The following CACNB4 variants were observed in gnomAD, a reference collection of about 807,000 sequenced individuals.
CACNB4 encodes calcium voltage-gated channel auxiliary subunit beta 4, also known as voltage-dependent L-type calcium channel subunit beta-4.
Under a neutral mutation model 71.2 loss-of-function variants are expected in CACNB4, and 32 were observed. The observed-to-expected ratio is 0.45, with a 90% confidence interval of 0.34 to 0.60. The LOEUF (loss-of-function observed/expected upper bound fraction) is 0.60. CACNB4 is among the 20% of genes least tolerant of loss of function. The pLI, the probability that CACNB4 is intolerant of heterozygous loss-of-function variation, is 0.01. For synonymous variants in CACNB4, 231 were observed against 236.9 expected (o/e 0.97, Z 0.23); for missense variants, 464 against 647.9 (o/e 0.72, Z 3.08).
At chr2:151,990,416 C>T (rs1314736819) in intron 2 of CACNB4, among the ~76,000 whole-genome samples, 2 of 152,202 alleles carry the variant, frequency 1.3e-5, no homozygotes, top group Non-Finnish European at 2.9e-5. Flanking sequence ...AAGCACAACC[C>T]TCTCCAGTTA....
chr2:152,035,630 C>CT (rs1553818021), intron 2 of CACNB4, among the ~76,000 whole-genome samples: 2 of 93,288 alleles, frequency 2.1e-5, no homozygotes, highest in Admixed American at 1.3e-4. Flanking sequence ...CCTCCCTCTC[C>CT]CTCTCTCTCT....
chr2:152,018,346 G>A (rs1246370525), intron 2 of CACNB4, among the ~76,000 whole-genome samples: 4 of 152,024 alleles, frequency 2.6e-5, no homozygotes, highest in African/African-American at 9.7e-5. Context: ...AGACCTGGGA[G>A]CATCAGGGTT....
chr2:152,068,729 A>G (rs1196267320), intron 2 of CACNB4, among the ~76,000 whole-genome samples: 1 of 152,170 alleles, frequency 6.6e-6, no homozygotes, highest in African/African-American at 2.4e-5. Flanking sequence ...TCAGGGTGGT[A>G]AGATCATTAG....
chr2:152,059,632 A>G (rs1018199800), intron 2 of CACNB4, among the ~76,000 whole-genome samples: 16 of 152,336 alleles, frequency 1.1e-4, no homozygotes, highest in Non-Finnish European at 2.1e-4. Flanking sequence ...GCTCATAGGC[A>G]GAAGGGACTT....
rs1185872808 is a variant in CACNB4 at position 152,098,738 on chromosome 2, A to G, written c.63+211T>C. The G allele has an allele frequency of 2.6e-6, 4 of 1,510,616 alleles. No homozygotes were observed. Among genetic ancestry groups the G allele is most frequent in the Non-Finnish European group, 3.6e-6 (4 of 1,117,746 alleles). 93.6% of individuals were successfully genotyped at this position (1,510,616 alleles called of 1,614,324 possible). On this transcript the variant is annotated intron_variant, in intron 1 of 13. Coordinates refer to ENST00000539935, the MANE Select transcript of CACNB4 (RefSeq NM_000726.5). This position sits in a 1 kb window ranked among gnomAD's most constrained non-coding sequence, Gnocchi z 5.3. The stretch of plus-strand genomic sequence containing the variant: ...CCGGAGCGGGAGCGCAGAGACCCGA[A>G]GGAGGGTGAGGAGGAGGAGGAAGAG...
rs1483851589 is a variant in CACNB4 at position 151,971,397 on chromosome 2, C to T, written c.148-88027G>A. On this transcript the variant is annotated intron_variant, in intron 2 of 13. Coordinates refer to ENST00000539935, the MANE Select transcript of CACNB4 (RefSeq NM_000726.5). Reference sequence around the variant, plus strand: ...GACATATGCGGATGGTTCCCCAACCCCCACCCCCAACCGAAGTGCCGTACT... The same window carrying T: ...GACATATGCGGATGGTTCCCCAACCTCCACCCCCAACCGAAGTGCCGTACT... The T allele has an allele frequency of 6.9e-5, 44 of 639,756 alleles. No individual in the cohort carries two copies. The Admixed American group carries it at 1.0e-3, about 15-fold the overall frequency. The allele number at this position is 639,756 out of a possible 1,614,324, so 39.6% of individuals were successfully genotyped here.
In CACNB4 at chr2:151,838,946, T is replaced by A; in HGVS notation, c.*173A>T. The A allele has an allele frequency of 1.8e-6, 1 of 541,490 alleles. No individual in the cohort carries two copies. The highest frequency in any genetic ancestry group is 3.3e-6 in the Non-Finnish European group (1 of 304,814). 33.5% of individuals were successfully genotyped at this position (541,490 alleles called of 1,614,324 possible). A position where few individuals can be genotyped will look rare whatever the true frequency, so the allele number is the denominator to read the frequency against. The stretch of plus-strand genomic sequence containing the variant: ...TATGATCGGGCATCTAATATCCATC[T>A]AGACTCAAGGGCATAATGTAATTTT... On this transcript the variant is annotated 3_prime_UTR_variant, in exon 14 of 14. Coordinates refer to ENST00000539935, the MANE Select transcript of CACNB4 (RefSeq NM_000726.5).
At chr2:152,034,912 A>G (rs1320225432) in intron 2 of CACNB4, among the ~76,000 whole-genome samples, 1 of 152,220 alleles carries the variant, frequency 6.6e-6, no homozygotes, top group Non-Finnish European at 1.5e-5. Flanking sequence ...GAGGCAGAAC[A>G]GTTGACCAAA....
chr2:151,896,548 C>T (rs776086622), intron 2 of CACNB4, among the ~76,000 whole-genome samples: 4 of 152,148 alleles, frequency 2.6e-5, no homozygotes, highest in Admixed American at 6.5e-5. Context: ...GGTAACCACA[C>T]GATACCCACC....
chr2:151,848,204 T>TAC (rs2099838109), intron 12 of CACNB4, among the ~76,000 whole-genome samples: 3 of 152,212 alleles, frequency 2.0e-5, no homozygotes, highest in Admixed American at 6.5e-5. Flanking sequence ...GGGAATGAAC[T>TAC]ACCCCTAACT....
At chr2:151,851,006 A>T (rs1206639204) in intron 12 of CACNB4, 1 of 152,152 alleles carries the variant, frequency 6.6e-6, no homozygotes, top group Non-Finnish European at 1.5e-5. Context: ...CCTTTCCAAA[A>T]ACTGTTGCCT....
chr2:152,098,776 G>A lies in CACNB4; in HGVS notation c.63+173C>T. On this transcript the variant is annotated intron_variant, in intron 1 of 13. Coordinates refer to ENST00000539935, the MANE Select transcript of CACNB4 (RefSeq NM_000726.5). The surrounding 1 kb of genome is among the most constrained non-coding windows in gnomAD (Gnocchi z 5.3). Reference sequence around the variant, plus strand: ...GGAGGAGGAAGAGAAGGAGGAGAAAGAGGAGGAGCGGGAGGAGAAAGGGAC... The same window carrying A: ...GGAGGAGGAAGAGAAGGAGGAGAAAAAGGAGGAGCGGGAGGAGAAAGGGAC... The A allele has an allele frequency of 7.8e-7, 1 of 1,285,048 alleles. No homozygotes were observed. The allele number at this position is 1,285,048 out of a possible 1,614,324, so 79.6% of individuals were successfully genotyped here.
chr2:152,018,694 T>C (rs1683483302), intron 2 of CACNB4, among the ~76,000 whole-genome samples: 1 of 151,842 alleles, frequency 6.6e-6, no homozygotes, highest in South Asian at 2.1e-4. Context: ...TCCTAGCTAC[T>C]TTGGAGGCTG....
intron 2 of CACNB4, among the ~76,000 whole-genome samples, chr2:151,978,098 C>T (rs993681234): frequency 5.9e-5 from 9 of 151,988 alleles, no homozygotes; most frequent in Admixed American, 5.9e-4. Context: ...ACAGGGCAGA[C>T]AAGGGAATGA....
intron 9 of CACNB4, 140 bp downstream of exon 9, chr2:151,869,037 T>C (rs897551268): frequency 1.2e-5 from 7 of 599,888 alleles, no homozygotes; most frequent in Admixed American, 5.9e-5. Context: ...AGTTCTTTTA[T>C]TATATTCTTC....
intron 2 of CACNB4, among the ~76,000 whole-genome samples, chr2:152,060,465 G>A (rs1685950216): frequency 6.6e-6 from 1 of 152,168 alleles, no homozygotes; most frequent in African/African-American, 2.4e-5. Context: ...GAAAACTACT[G>A]CTCTGATAAA....
chr2:151,924,204 G>A (rs900419145), intron 2 of CACNB4, among the ~76,000 whole-genome samples: 12 of 145,058 alleles, frequency 8.3e-5, no homozygotes, highest in East Asian at 2.1e-4. Context: ...TCAACCTCCC[G>A]AGTAGCTGGG....
chr2:151,957,257 C>CGTGTGTGTGTGTGTGTGT (rs1553791572), intron 2 of CACNB4, among the ~76,000 whole-genome samples: 44 of 131,862 alleles, frequency 3.3e-4, no homozygotes, highest in South Asian at 7.5e-4. Context: ...AGTGGCTGGG[C>CGTGTGTGTGTGTGTGTGT]GTGTGTGTGT....
chr2:152,045,113 A>G (rs182346355), intron 2 of CACNB4, among the ~76,000 whole-genome samples: 103 of 152,360 alleles, frequency 6.8e-4, no homozygotes, highest in Non-Finnish European at 1.1e-3. Context: ...ACATACAACT[A>G]CATAAATACA....
Sources: allele counts gnomAD v4.1 joint callset (sites outside exome capture counted in the v4.1 genomes callset), GRCh38; gene constraint gnomAD v4.1.1; non-coding constraint Gnocchi (gnomAD v3.1); transcripts MANE v1.5; gene names NCBI Gene and HGNC (gene_info 2026-07-23, HGNC 2026-07-21).